The following ADGRL3 variants were observed in gnomAD, a reference collection of about 807,000 sequenced individuals.
ADGRL3 encodes calcium-independent alpha-latrotoxin receptor 3.
Under a neutral mutation model 153.5 loss-of-function variants are expected in ADGRL3, and 62 were observed. The observed-to-expected ratio is 0.40, with a 90% CI of 0.33 to 0.50. ADGRL3 has a LOEUF of 0.50. ADGRL3 is among the 20% of genes least tolerant of loss of function. The pLI, the probability that ADGRL3 is intolerant of heterozygous loss-of-function variation, is 0.47. For synonymous variants in ADGRL3, 710 were observed against 672.5 expected, an observed-to-expected ratio of 1.06 and a Z score of -0.86; for missense variants, 1,641 against 1,859.4, an observed-to-expected ratio of 0.88 and a Z score of 2.16.
At chr4:61,455,246 T>C (rs2097721208) in intron 2 of ADGRL3, among the ~76,000 whole-genome samples, 1 of 152,002 alleles carries the variant, frequency 6.6e-6, no homozygotes, top group Non-Finnish European at 1.5e-5. Context: ...GTTGAGGGAG[T>C]GGACAAATCA....
At chr4:61,513,951 C>T (rs1393989854) in intron 3 of ADGRL3, among the ~76,000 whole-genome samples, 1 of 152,122 alleles carries the variant, frequency 6.6e-6, no homozygotes, top group Non-Finnish European at 1.5e-5. Context: ...GGGAAGGAAA[C>T]TTGGAGGGTT....
chr4:61,458,994 G>A (rs904799607), intron 2 of ADGRL3, among the ~76,000 whole-genome samples: 2 of 151,382 alleles, frequency 1.3e-5, no homozygotes, highest in Non-Finnish European at 3.0e-5. Flanking sequence ...CAAATGGAGA[G>A]TAATTATTTT....
intron 13 of ADGRL3, among the ~76,000 whole-genome samples, chr4:61,922,880 G>T (rs1429521730): frequency 6.6e-6 from 1 of 152,146 alleles, no homozygotes; most frequent in Non-Finnish European, 1.5e-5. Flanking sequence ...AAATAAGATT[G>T]CAGAAATGCT....
At chr4:61,214,713 A>G (rs980341844) in intron 1 of ADGRL3, among the ~76,000 whole-genome samples, 18 of 152,276 alleles carry the variant, frequency 1.2e-4, no homozygotes, top group South Asian at 2.1e-4. Context: ...AGGCAGGAGA[A>G]TCGCTTGAAC....
intron 1 of ADGRL3, among the ~76,000 whole-genome samples, chr4:61,377,927 CT>C (rs2096623775): frequency 1.3e-5 from 2 of 151,890 alleles, no homozygotes; most frequent in Admixed American, 6.6e-5. Context: ...TTTCTAATTT[CT>C]TTTGTGATTT....
rs189305442 is a variant in ADGRL3, at chr4:61,857,081, T to G, written c.1481-35575T>G. 2.7e-5 allele frequency among the ~76,000 whole-genome samples: 4 copies of G among 150,942 alleles called. No homozygotes were observed. The East Asian group carries it at 7.8e-4, about 29-fold the overall frequency. On this transcript the variant is annotated intron_variant, in intron 9 of 26. Coordinates refer to ENST00000683033, the MANE Select transcript of ADGRL3 (RefSeq NM_001387552.1). Reference sequence around the variant, plus strand: ...CCCTCTCTCTCTCTTTCTTTCTTTCTTTTTTTCTTTCTTTCTTTCTTTTCT... The same window carrying G: ...CCCTCTCTCTCTCTTTCTTTCTTTCGTTTTTTCTTTCTTTCTTTCTTTTCT...
rs35918477 is a variant in ADGRL3, at chr4:61,200,501, G to GCGCCGC, written c.-1485_-1480dup. On this transcript the variant is annotated 5_prime_UTR_variant, in exon 1 of 27. Coordinates refer to ENST00000683033, the MANE Select transcript of ADGRL3 (RefSeq NM_001387552.1). ...CAGATGCTGCAGCTGGTCGGGGTGG[G>GCGCCGC]CGCCGCCGCCGCCGCCGCCGCCGCT... Among the ~76,000 whole-genome samples the GCGCCGC allele has an allele frequency of 5.2e-3, 776 of 150,402 alleles. 1 individual carries two copies. Among genetic ancestry groups the GCGCCGC allele is most frequent in the African/African-American group, 6.1e-3 (251 of 40,906 alleles).
intron 2 of ADGRL3, among the ~76,000 whole-genome samples, chr4:61,423,399 A>T (rs2097233847): frequency 6.6e-6 from 1 of 152,216 alleles, no homozygotes; most frequent in South Asian, 2.1e-4. Context: ...CATTGAATCC[A>T]GTGTGGATAG....
At chr4:61,842,287 T>C (rs530752398) in intron 9 of ADGRL3, among the ~76,000 whole-genome samples, 4 of 152,192 alleles carry the variant, frequency 2.6e-5, no homozygotes, top group Admixed American at 6.5e-5. Context: ...TTACACACCT[T>C]CTATTTTCTC....
chr4:61,827,380 C>G (rs920912687), intron 9 of ADGRL3, among the ~76,000 whole-genome samples: 1 of 152,110 alleles, frequency 6.6e-6, no homozygotes, highest in Non-Finnish European at 1.5e-5. Flanking sequence ...GTGTGAACAA[C>G]TGATGTGGGG....
intron 2 of ADGRL3, among the ~76,000 whole-genome samples, chr4:61,480,461 T>C (rs571496572): frequency 6.6e-6 from 1 of 152,162 alleles, no homozygotes; most frequent in South Asian, 2.1e-4. Context: ...ACTCTTAAAA[T>C]TCCATAGCAA....
At chr4:61,777,194 G>A (rs553075721) in intron 8 of ADGRL3, among the ~76,000 whole-genome samples, 3 of 152,162 alleles carry the variant, frequency 2.0e-5, no homozygotes, top group South Asian at 4.1e-4. Context: ...TTAGCCGGGC[G>A]TGGTGGCGGG....
chr4:61,471,165 G>T (rs376034633), intron 2 of ADGRL3, among the ~76,000 whole-genome samples: 5 of 151,712 alleles, frequency 3.3e-5, no homozygotes, highest in African/African-American at 4.8e-5. Context: ...TTCTGTGCTT[G>T]CAAGTATTTA....
At chr4:61,584,338 A>G (rs1031052357) in intron 4 of ADGRL3, among the ~76,000 whole-genome samples, 17 of 152,114 alleles carry the variant, frequency 1.1e-4, no homozygotes, top group African/African-American at 3.4e-4. Context: ...TGCCATACCC[A>G]TAACTTTTGA....
intron 1 of ADGRL3, among the ~76,000 whole-genome samples, chr4:61,261,492 A>G (rs987558946): frequency 2.0e-5 from 3 of 152,204 alleles, no homozygotes; most frequent in Middle Eastern, 3.4e-3. Context: ...TTTTTGATGC[A>G]CTGTTGGTTG....
chr4:61,384,776 T>C (rs2096716679), intron 2 of ADGRL3, among the ~76,000 whole-genome samples: 1 of 152,042 alleles, frequency 6.6e-6, no homozygotes, highest in Non-Finnish European at 1.5e-5. Context: ...CGATTCATGT[T>C]ACAACAAGGG....
At chr4:61,333,646 T>C (rs1178813811) in intron 1 of ADGRL3, among the ~76,000 whole-genome samples, 1 of 152,150 alleles carries the variant, frequency 6.6e-6, no homozygotes, top group East Asian at 1.9e-4. Flanking sequence ...CAGGCTGGAA[T>C]GCAGGTCACA....
intron 21 of ADGRL3, among the ~76,000 whole-genome samples, chr4:62,022,066 C>T (rs1235924768): frequency 6.6e-6 from 1 of 152,208 alleles, no homozygotes; most frequent in Admixed American, 6.5e-5. Flanking sequence ...TCCTCTTTAA[C>T]AGTTAGCCAA....
At chr4:61,953,760 C>T (rs190064527) in intron 17 of ADGRL3, among the ~76,000 whole-genome samples, 17 of 152,238 alleles carry the variant, frequency 1.1e-4, no homozygotes, top group Non-Finnish European at 1.9e-4. Flanking sequence ...CAGGAGTCCT[C>T]AGAGAGGGCT....
Sources: gnomAD v4.1 joint callset for allele counts (sites outside exome capture counted in the v4.1 genomes callset) on GRCh38, gnomAD v4.1.1 for gene constraint, MANE v1.5 for transcripts, NCBI Gene and HGNC (gene_info 2026-07-23, HGNC 2026-07-21) for gene names.